The following VSIG10 variants were observed in gnomAD, a reference collection of about 807,000 sequenced individuals.
VSIG10 encodes the protein V-set and immunoglobulin domain-containing protein 10.
VSIG10 carries 48 observed loss-of-function variants against 58.7 expected under a neutral mutation model. The observed-to-expected ratio is 0.82, with a 90% CI of 0.65 to 1.04. VSIG10 has a LOEUF of 1.04. Ranked by LOEUF, VSIG10 falls within the 50% of genes least tolerant of loss-of-function variation. The pLI is 0.00. For missense variants in VSIG10, 628 were observed against 670.0 expected, an observed-to-expected ratio of 0.94 and a Z score of 0.69; for synonymous variants, 260 against 267.1, an observed-to-expected ratio of 0.97 and a Z score of 0.26.
At chr12:118,086,154 G>T (rs1241072200) in intron 2 of VSIG10, among the ~76,000 whole-genome samples, 2 of 134,098 alleles carry the variant, frequency 1.5e-5, no homozygotes, top group African/African-American at 5.1e-5. Context: ...GCGAAACTTT[G>T]TCTCAAAAAA....
At chr12:118,078,869 G>A (rs1357043484) in intron 4 of VSIG10, among the ~76,000 whole-genome samples, 1 of 147,514 alleles carries the variant, frequency 6.8e-6, no homozygotes, top group African/African-American at 2.5e-5. Context: ...AACCTGGGAG[G>A]CAGAGGCTGT....
At chr12:118,072,953 G>C (rs1165932494) in intron 5 of VSIG10, among the ~76,000 whole-genome samples, 3 of 152,058 alleles carry the variant, frequency 2.0e-5, no homozygotes, top group African/African-American at 7.2e-5. Flanking sequence ...ATTTAAGCAG[G>C]CATCCTGTTT....
intron 2 of VSIG10, among the ~76,000 whole-genome samples, chr12:118,088,304 T>G (rs958584562): frequency 5.3e-5 from 8 of 151,048 alleles, no homozygotes; most frequent in African/African-American, 1.7e-4. Context: ...TGAGATGGAC[T>G]ATCCCACGGG....
intron 8 of VSIG10, among the ~76,000 whole-genome samples, chr12:118,068,023 CTTT>C (rs371999216): frequency 3.4e-4 from 29 of 85,486 alleles, no homozygotes; most frequent in Non-Finnish European, 4.7e-4. Context: ...GGTTTGTGGG[CTTT>C]TTTTTTTTTT....
At position 118,082,288 on chromosome 12, in the gene VSIG10, T is replaced by C. The variant is rs776744249; in HGVS notation, c.503A>G (p.Gln168Arg). Residue 168 changes from glutamine (Q) to arginine (R), a missense_variant, in exon 3 of 9, where the codon CAG becomes CGG. By Grantham distance (43) the Gln-to-Arg change is conservative. Transcript: ENST00000359236. ...RPPPVVEWWF[Q>R]ALNSSSESFG... ...GGACTCGCTGCTGGAATTCAGGGCC[T>C]GGAACCACCATTCAACCACGGGTGG... 3.1e-5 allele frequency: 50 copies of C among 1,613,830 alleles called. No homozygotes were observed. The highest frequency in any genetic ancestry group is 3.3e-4 in the Middle Eastern group (2 of 6,084).
At chr12:118,095,960 C>G (rs2033442447) in intron 1 of VSIG10, 146 bp from the exon 2 acceptor site, 1 of 1,096,288 alleles carries the variant, frequency 9.1e-7, no homozygotes, top group Non-Finnish European at 1.2e-6. Context: ...GAGTCCCACT[C>G]TGTCGCCCAG....
intron 4 of VSIG10, among the ~76,000 whole-genome samples, chr12:118,078,249 C>T (rs11068809): frequency 0.39 from 59,578 of 152,014 alleles, 12,027 homozygotes; most frequent in East Asian, 0.58. Flanking sequence ...AGCTCCGCCT[C>T]CTGGGTTCAC....
chr12:118,097,380 G>A (rs1471366380), intron 1 of VSIG10, among the ~76,000 whole-genome samples: 6 of 152,184 alleles, frequency 3.9e-5, no homozygotes, highest in Admixed American at 6.5e-5. Flanking sequence ...CTGGGAGGCC[G>A]AGGGAGGAGG....
intron 1 of VSIG10, among the ~76,000 whole-genome samples, chr12:118,097,557 G>C (rs2033498545): frequency 6.6e-6 from 1 of 152,144 alleles, no homozygotes; most frequent in African/African-American, 2.4e-5. Context: ...AGAGGTTGCA[G>C]TGAGCCAAGA....
chr12:118,073,163 G>A (rs1269726205), intron 5 of VSIG10, among the ~76,000 whole-genome samples: 1 of 152,062 alleles, frequency 6.6e-6, no homozygotes, highest in African/African-American at 2.4e-5. Context: ...CCAACCTCAG[G>A]TGATCTGCCC....
In VSIG10 at chr12:118,085,410, T is replaced by G. The variant is rs73410796; in HGVS notation, c.362-2981A>C. Among the ~76,000 whole-genome samples the G allele has an allele frequency of 1.4e-3, 210 of 152,278 alleles. 1 individual carries two copies. The highest frequency in any genetic ancestry group is 5.0e-3 in the Admixed American group (77 of 15,286). On this transcript the variant is annotated intron_variant, in intron 2 of 8. Coordinates refer to ENST00000359236, the MANE Select transcript of VSIG10 (RefSeq NM_019086.6). ...CTCACGTGCGAGCTGGTTCCATTGT[T>G]CCCCAAACACTTGTTTGGCCTGAGA...
rs1205019626 is a variant in VSIG10 at position 118,084,694 on chromosome 12, C to T, written c.362-2265G>A. On this transcript the variant is annotated intron_variant, in intron 2 of 8. Coordinates refer to ENST00000359236, the MANE Select transcript of VSIG10 (RefSeq NM_019086.6). ...AGGAGTTTGAGACCCACCTGGCCAACATGGTGAAACCCCATCTCTACTAAA... is the reference window on the plus strand; with the variant it reads ...AGGAGTTTGAGACCCACCTGGCCAATATGGTGAAACCCCATCTCTACTAAA... Among the ~76,000 whole-genome samples the T allele has an allele frequency of 1.3e-4, 20 of 152,136 alleles. No homozygotes were observed. The South Asian group carries it at 3.5e-3, about 27-fold the overall frequency.
In VSIG10 at chr12:118,103,685, C is replaced by T. The variant is rs973605732; in HGVS notation, c.-14G>A. The stretch of plus-strand genomic sequence containing the variant: ...GCCTGCGGCCATCTCGCCCCAGATC[C>T]CGGCTCAGGAAACGCAGGCTCGGGC... On this transcript the variant is annotated 5_prime_UTR_variant, in exon 1 of 9. Coordinates refer to ENST00000359236, the MANE Select transcript of VSIG10 (RefSeq NM_019086.6). 2.0e-6 allele frequency: 3 copies of T among 1,480,064 alleles called. No individual in the cohort carries two copies. In the African/African-American group the frequency reaches 4.4e-5, roughly 22 times the overall value. 91.7% of individuals were successfully genotyped at this position (1,480,064 alleles called of 1,614,324 possible).
In VSIG10 at chr12:118,082,696, G is replaced by A. The variant is rs535366652; in HGVS notation, c.362-267C>T. On this transcript the variant is annotated intron_variant, in intron 2 of 8. Coordinates refer to ENST00000359236, the MANE Select transcript of VSIG10 (RefSeq NM_019086.6). ...CTTTAAAAAACAAAAAACTGTAAGG[G>A]CTAGGCACAGTAGCTCATGCCTGTA... 4.7e-4 allele frequency among the ~76,000 whole-genome samples: 71 copies of A among 152,198 alleles called. 1 individual carries two copies. The highest frequency in any genetic ancestry group is 1.6e-3 in the African/African-American group (67 of 41,524).
chr12:118,101,354 G>A (rs1003774264), intron 1 of VSIG10, among the ~76,000 whole-genome samples: 2 of 152,186 alleles, frequency 1.3e-5, no homozygotes, highest in African/African-American at 4.8e-5. Context: ...GATTTAGGAA[G>A]ATTAAGTTAT....
Position 118,082,109 on chromosome 12 carries a change from G to A in VSIG10, c.664+18C>T. The A allele has an allele frequency of 1.2e-6, 2 of 1,608,862 alleles. No individual in the cohort carries two copies. Among genetic ancestry groups the A allele is most frequent in the Non-Finnish European group, 1.7e-6 (2 of 1,175,976 alleles). On this transcript the variant is annotated intron_variant, in intron 3 of 8. Coordinates refer to ENST00000359236, the MANE Select transcript of VSIG10 (RefSeq NM_019086.6). ...GGTTAAGGGGAAGAAGCGGGGCAGA[G>A]GAGTGCTGCTTACGCACAGTAGACC...
chr12:118,067,366 C>T lies in VSIG10; in HGVS notation c.1568-672G>A, dbSNP rs191061308. On this transcript the variant is annotated intron_variant, in intron 8 of 8. Transcript: ENST00000359236. ...CATCAGGCAATTAATCAAATATCTT[C>T]CTGCAACAGCTCCTCTACTGCTCTC... Among the ~76,000 whole-genome samples, 136 of 152,130 alleles carry T rather than the reference C, an allele frequency of 8.9e-4. 2 individuals are homozygous for T. Among genetic ancestry groups the T allele is most frequent in the Admixed American group, 2.0e-4 (3 of 15,280 alleles).
chr12:118,103,607 C>T lies in VSIG10; in HGVS notation c.65G>A (p.Gly22Asp). ...VLVCLGALLAGWVAVGLEAVV... is the reference protein window; with the variant it reads ...VLVCLGALLADWVAVGLEAVV... ...CGGCCCCTTACCTACGGCGACCCAGCCGGCCAGGAGCGCCCCGAGGCAGAC... is the reference window on the plus strand; with the variant it reads ...CGGCCCCTTACCTACGGCGACCCAGTCGGCCAGGAGCGCCCCGAGGCAGAC... Residue 22 changes from glycine (G) to aspartate (D), a missense_variant, in exon 1 of 9, where the codon GGC becomes GAC. Coordinates refer to ENST00000359236, the MANE Select transcript of VSIG10 (RefSeq NM_019086.6). The T allele has an allele frequency of 6.6e-7, 1 of 1,521,608 alleles. No homozygotes were observed. 94.3% of individuals were successfully genotyped at this position (1,521,608 alleles called of 1,614,324 possible). A position where few individuals can be genotyped will look rare whatever the true frequency, so the allele number is the denominator to read the frequency against.
chr12:118,085,542 A>T (rs1199465647), intron 2 of VSIG10, among the ~76,000 whole-genome samples: 1 of 152,220 alleles, frequency 6.6e-6, no homozygotes, highest in Non-Finnish European at 1.5e-5. Context: ...TGCATATATA[A>T]GAGACAATAT....
Sources: allele counts gnomAD v4.1 joint callset (sites outside exome capture counted in the v4.1 genomes callset), GRCh38; gene constraint gnomAD v4.1.1; transcripts MANE v1.5; gene names NCBI Gene and HGNC (gene_info 2026-07-23, HGNC 2026-07-21).